LRRC4C: variants seen among roughly 807,000 people sequenced by gnomAD.
LRRC4C encodes the protein leucine-rich repeat-containing protein 4C.
In LRRC4C, 5 loss-of-function variants were observed where a neutral mutation model predicts 33.6. That is an observed-to-expected ratio of 0.15 (90% CI 0.08 to 0.31). The LOEUF (loss-of-function observed/expected upper bound fraction) is 0.31, where lower values mean the gene tolerates loss of function less well. LRRC4C is among the 10% of genes least tolerant of loss of function. The pLI is 1.00. For synonymous variants in LRRC4C, 329 were observed against 302.0 expected, an observed-to-expected ratio of 1.09 and a Z score of -0.93; for missense variants, 560 against 796.7, an observed-to-expected ratio of 0.70 and a Z score of 3.58.
intron 5 of LRRC4C, among the ~76,000 whole-genome samples, chr11:40,157,793 C>G (rs986741511): frequency 6.6e-6 from 1 of 152,240 alleles, no homozygotes; most frequent in Non-Finnish European, 1.5e-5. Flanking sequence ...ACAGGGAACA[C>G]TTCTACACTG....
intron 2 of LRRC4C, among the ~76,000 whole-genome samples, chr11:40,649,452 C>T (rs1433271168): frequency 1.3e-5 from 2 of 152,144 alleles, no homozygotes; most frequent in African/African-American, 4.8e-5. Flanking sequence ...TCTGCCCGAC[C>T]CCGCAGGCAG....
rs1189199593 is a variant in LRRC4C at position 40,585,873 on chromosome 11, T to G, written c.-270+62269A>C. The stretch of plus-strand genomic sequence containing the variant: ...AAATTTTCTTAATCCAGTCTATCAT[T>G]GTTGGACATTTGGGTTGGTTCCAAG... On this transcript the variant is annotated intron_variant, in intron 3 of 6. Transcript: ENST00000528697. Among the ~76,000 whole-genome samples the G allele has an allele frequency of 8.5e-3, 1,153 of 135,954 alleles. 48 individuals are homozygous for G. Among genetic ancestry groups the G allele is most frequent in the African/African-American group, 0.03 (1,100 of 37,194 alleles). 89.2% of individuals were successfully genotyped at this position (135,954 alleles called of 152,430 possible). A position where few individuals can be genotyped will look rare whatever the true frequency, so the allele number is the denominator to read the frequency against.
chr11:41,141,162 A>G (rs1324350908), intron 1 of LRRC4C, among the ~76,000 whole-genome samples: 2 of 152,156 alleles, frequency 1.3e-5, no homozygotes, highest in African/African-American at 4.8e-5. Flanking sequence ...ATGTTGATTG[A>G]GATGGCACAG....
intron 2 of LRRC4C, among the ~76,000 whole-genome samples, chr11:40,835,481 G>A (rs1952629589): frequency 6.6e-6 from 1 of 152,102 alleles, no homozygotes; most frequent in Non-Finnish European, 1.5e-5. Flanking sequence ...CTGAATGTAT[G>A]TATTTTTTAT....
At chr11:41,194,265 T>C (rs1946087901) in intron 1 of LRRC4C, among the ~76,000 whole-genome samples, 1 of 152,116 alleles carries the variant, frequency 6.6e-6, no homozygotes, top group Non-Finnish European at 1.5e-5. Context: ...AGTTTTTAGG[T>C]AGACAAAAGT....
intron 1 of LRRC4C, among the ~76,000 whole-genome samples, chr11:41,114,674 A>G (rs887872704): frequency 6.6e-6 from 1 of 152,076 alleles, no homozygotes; most frequent in African/African-American, 2.4e-5. Context: ...AGCTGATTCA[A>G]TAAGAATGTT....
chr11:40,724,860 GAAAA>G (rs1431159271), intron 2 of LRRC4C, among the ~76,000 whole-genome samples: 2 of 151,634 alleles, frequency 1.3e-5, no homozygotes, highest in African/African-American at 2.4e-5. Context: ...GATTTACAAA[GAAAA>G]AAAAGAAGAT....
chr11:40,167,787 G>A (rs1461166484), intron 5 of LRRC4C, among the ~76,000 whole-genome samples: 1 of 152,152 alleles, frequency 6.6e-6, no homozygotes, highest in East Asian at 1.9e-4. Flanking sequence ...ATAGACTAGA[G>A]TCATCCCAGC....
intron 2 of LRRC4C, among the ~76,000 whole-genome samples, chr11:40,878,838 G>T (rs1955038936): frequency 6.6e-6 from 1 of 152,160 alleles, no homozygotes; most frequent in South Asian, 2.1e-4. Context: ...AGTTTTACAA[G>T]AATTAGAGAT....
At chr11:41,350,259 C>T (rs796243362) in intron 1 of LRRC4C, among the ~76,000 whole-genome samples, 2 of 151,998 alleles carry the variant, frequency 1.3e-5, no homozygotes, top group South Asian at 4.1e-4. Flanking sequence ...GCCTGTAATC[C>T]CAGCACTTTG....
chr11:40,643,010 A>G (rs1942217498), intron 3 of LRRC4C, among the ~76,000 whole-genome samples: 1 of 152,176 alleles, frequency 6.6e-6, no homozygotes, highest in South Asian at 2.1e-4. Context: ...TATTGGAAAA[A>G]TGCTTAAGAG....
chr11:41,375,024 G>C (rs1020712106), intron 1 of LRRC4C, among the ~76,000 whole-genome samples: 3 of 152,040 alleles, frequency 2.0e-5, no homozygotes, highest in African/African-American at 7.2e-5. Flanking sequence ...CTACTTGAGA[G>C]GCTGAGGAGG....
chr11:40,813,928 G>A (rs1030450390), intron 2 of LRRC4C, among the ~76,000 whole-genome samples: 4 of 152,180 alleles, frequency 2.6e-5, no homozygotes, highest in Non-Finnish European at 4.4e-5. Context: ...GATGCAAGAG[G>A]TGGTCACCCA....
At chr11:40,264,339 A>T (rs998107268) in intron 4 of LRRC4C, among the ~76,000 whole-genome samples, 7 of 152,316 alleles carry the variant, frequency 4.6e-5, no homozygotes, top group East Asian at 1.9e-4. Context: ...GTTAAAAAAA[A>T]TTTTCCAATT....
chr11:41,319,158 G>C (rs1299977501), intron 1 of LRRC4C, among the ~76,000 whole-genome samples: 1 of 152,050 alleles, frequency 6.6e-6, no homozygotes, highest in Non-Finnish European at 1.5e-5. Flanking sequence ...ATGCCACATG[G>C]ATTTTATCTA....
chr11:40,834,470 C>CAA (rs1166883264), intron 2 of LRRC4C, among the ~76,000 whole-genome samples: 4 of 71,422 alleles, frequency 5.6e-5, no homozygotes, highest in Non-Finnish European at 1.1e-4. Context: ...GATTCCATCT[C>CAA]AAAAAAAAAA....
At chr11:40,205,988 T>A (rs572800640) in intron 5 of LRRC4C, among the ~76,000 whole-genome samples, 1 of 152,322 alleles carries the variant, frequency 6.6e-6, no homozygotes, top group Non-Finnish European at 1.5e-5. Context: ...ATTTTATTTG[T>A]ATCTTTCTTC....
intron 3 of LRRC4C, among the ~76,000 whole-genome samples, chr11:40,555,351 G>T (rs1290870604): frequency 2.0e-5 from 3 of 152,076 alleles, no homozygotes; most frequent in Non-Finnish European, 2.9e-5. Flanking sequence ...TATATTTGGG[G>T]TAAAATCACT....
intron 3 of LRRC4C, among the ~76,000 whole-genome samples, chr11:40,347,336 C>T (rs745596340): frequency 3.3e-5 from 5 of 152,322 alleles, no homozygotes; most frequent in East Asian, 1.9e-4. Flanking sequence ...TTAGCCTTCA[C>T]TACATTAGGC....
Sources: allele counts gnomAD v4.1 joint callset (sites outside exome capture counted in the v4.1 genomes callset), GRCh38; gene constraint gnomAD v4.1.1; transcripts MANE v1.5; gene names NCBI Gene and HGNC (gene_info 2026-07-23, HGNC 2026-07-21).